Variants in KMT2C observed in about 807,000 individuals in gnomAD.
The protein encoded by KMT2C is lysine methyltransferase 2C.
A neutral mutation model predicts 507.9 loss-of-function variants in KMT2C; 88 were observed. The observed-to-expected ratio is 0.17, with a 90% CI of 0.15 to 0.21. The LOEUF (loss-of-function observed/expected upper bound fraction) is 0.21, where lower values mean the gene tolerates loss of function less well. Ranked by LOEUF, KMT2C falls within the 10% of genes least tolerant of loss-of-function variation. The pLI is 1.00. For missense variants in KMT2C, 4,954 were observed against 5,957.8 expected, an observed-to-expected ratio of 0.83 and a Z score of 5.55; for synonymous variants, 2,049 against 2,080.8, an observed-to-expected ratio of 0.98 and a Z score of 0.42.
At chr7:152,308,577 A>G (rs1305394198) in intron 6 of KMT2C, among the ~76,000 whole-genome samples, 1 of 147,366 alleles carries the variant, frequency 6.8e-6, no homozygotes, top group Non-Finnish European at 1.5e-5. Context: ...CAGGAGGCTG[A>G]GGCGGCAGAA....
At chr7:152,399,149 C>T (rs949450605) in intron 1 of KMT2C, among the ~76,000 whole-genome samples, 4 of 152,066 alleles carry the variant, frequency 2.6e-5, no homozygotes, top group Admixed American at 1.3e-4. Context: ...TTTATAAACA[C>T]GCAAAACACC....
intron 15 of KMT2C, among the ~76,000 whole-genome samples, chr7:152,236,186 A>G (rs1243485559): frequency 9.8e-5 from 15 of 152,296 alleles, no homozygotes; most frequent in African/African-American, 3.6e-4. Flanking sequence ...AAGCCTTTGC[A>G]TGATTTTTCT....
chr7:152,238,928 C>A (rs111880451), intron 14 of KMT2C, 102 bp from the exon 15 acceptor site: 1 of 1,181,332 alleles, frequency 8.5e-7, no homozygotes, highest in Non-Finnish European at 1.2e-6. Flanking sequence ...CAAATGCAAA[C>A]GTATGGAAAT....
At chr7:152,227,111 A>G (rs980166192) in intron 18 of KMT2C, among the ~76,000 whole-genome samples, 2 of 152,202 alleles carry the variant, frequency 1.3e-5, no homozygotes, top group African/African-American at 4.8e-5. Context: ...ACATCCACTC[A>G]TAACTGCTTA....
intron 1 of KMT2C, among the ~76,000 whole-genome samples, chr7:152,361,606 G>C (rs978326807): frequency 2.6e-5 from 4 of 151,914 alleles, no homozygotes; most frequent in Non-Finnish European, 4.4e-5. Flanking sequence ...AAATTTGATA[G>C]AAAACATTAA....
chr7:152,159,092 T>TA lies in KMT2C; in HGVS notation c.11461-21dup, dbSNP rs2092288184. The TA allele has an allele frequency of 1.2e-6, 2 of 1,609,182 alleles. No homozygotes were observed. The highest frequency in any genetic ancestry group is 8.5e-7 in the Non-Finnish European group (1 of 1,175,866). On this transcript the variant is annotated intron_variant, in intron 43 of 58. Transcript: ENST00000262189. Reference sequence around the variant, plus strand: ...AGTTTGCTAATGTAATTGGAAAGGGTAAAAAATAAGTGAACAATTTGCATA... The same window carrying TA: ...AGTTTGCTAATGTAATTGGAAAGGGTAAAAAAATAAGTGAACAATTTGCATA...
At chr7:152,326,988 G>A (rs866519399) in intron 3 of KMT2C, among the ~76,000 whole-genome samples, 20 of 152,174 alleles carry the variant, frequency 1.3e-4, no homozygotes, top group African/African-American at 2.7e-4. Context: ...TCAAAAAGTC[G>A]GAGCTTGGAA....
At chr7:152,330,838 AAAC>A in intron 2 of KMT2C, 99 bp from the exon 3 acceptor site, 2 of 1,129,456 alleles carry the variant, frequency 1.8e-6, no homozygotes, top group Non-Finnish European at 2.6e-6. Flanking sequence ...ATGTAAAAAG[AAAC>A]AACAAATAAC....
At chr7:152,353,645 A>G (rs2097130907) in intron 2 of KMT2C, among the ~76,000 whole-genome samples, 1 of 151,956 alleles carries the variant, frequency 6.6e-6, no homozygotes, top group Non-Finnish European at 1.5e-5. Flanking sequence ...CTACAGGTGC[A>G]CACCATCACA....
At position 152,224,503 on chromosome 7, in the gene KMT2C, T is replaced by C; in HGVS notation, c.3090A>G (p.Ile1030Met). 1 of 1,611,858 alleles carries C rather than the reference T, an allele frequency of 6.2e-7. No individual in the cohort carries two copies. Among genetic ancestry groups the C allele is most frequent in the Non-Finnish European group, 8.5e-7 (1 of 1,179,702 alleles). Residue 1030 changes from isoleucine to methionine, a missense_variant, in exon 19 of 59, where the codon ATA becomes ATG. Physicochemically the swap from Ile to Met is conservative, Grantham distance 10. Transcript: ENST00000262189. Reference sequence around the variant, plus strand: ...GGTCTAGGCAGTAGGTGTGATAACTTATGTCACAGTCATCACACAGCAGGA... The same window carrying C: ...GGTCTAGGCAGTAGGTGTGATAACTCATGTCACAGTCATCACACAGCAGGA... ...GRLLLCDDCD[I>M]SYHTYCLDPP...
intron 39 of KMT2C, among the ~76,000 whole-genome samples, chr7:152,173,689 T>C (rs1475140925): frequency 6.6e-6 from 1 of 152,244 alleles, no homozygotes; most frequent in Non-Finnish European, 1.5e-5. Context: ...CTCTTATCTA[T>C]TCCTTGTAAC....
At chr7:152,360,081 G>C (rs1277393203) in intron 1 of KMT2C, among the ~76,000 whole-genome samples, 8 of 68,232 alleles carry the variant, frequency 1.2e-4, no homozygotes, top group Non-Finnish European at 2.1e-4. Context: ...GGTGGGGGGG[G>C]GGGGACAATA....
At chr7:152,139,007 T>C (rs150056426) in intron 57 of KMT2C, 103 bp from the exon 58 acceptor site, 15 of 1,056,664 alleles carry the variant, frequency 1.4e-5, no homozygotes, top group Non-Finnish European at 2.2e-5. Context: ...TAAATTTCTA[T>C]TTGCCCATTG....
chr7:152,350,218 C>T (rs992685733), intron 2 of KMT2C, among the ~76,000 whole-genome samples: 8 of 152,082 alleles, frequency 5.3e-5, no homozygotes, highest in African/African-American at 1.9e-4. Flanking sequence ...CCATTGCACT[C>T]CAGCTTGGGC....
At chr7:152,324,618 GA>G (rs11432528) in intron 3 of KMT2C, among the ~76,000 whole-genome samples, 1 of 151,560 alleles carries the variant, frequency 6.6e-6, no homozygotes, top group Non-Finnish European at 1.5e-5. Context: ...CATATTCCAA[GA>G]AAAAAAATCT....
chr7:152,233,379 T>C (rs1232473207), intron 16 of KMT2C, among the ~76,000 whole-genome samples: 2 of 152,166 alleles, frequency 1.3e-5, no homozygotes, highest in Non-Finnish European at 2.9e-5. Flanking sequence ...ACCACAGATA[T>C]GAGCCAAGGA....
intron 42 of KMT2C, among the ~76,000 whole-genome samples, chr7:152,164,593 C>T (rs1053080268): frequency 1.3e-5 from 2 of 151,924 alleles, no homozygotes; most frequent in South Asian, 4.2e-4. Flanking sequence ...CCGGCCTGTA[C>T]AACATTTTAA....
At chr7:152,430,792 C>T (rs1346358481) in intron 1 of KMT2C, among the ~76,000 whole-genome samples, 2 of 152,174 alleles carry the variant, frequency 1.3e-5, no homozygotes, top group Non-Finnish European at 2.9e-5. Context: ...CTCAGTCTCC[C>T]AAAAGTGCTG....
At chr7:152,155,842 A>G (rs2092008305) in intron 46 of KMT2C, 68 bp downstream of exon 46, 4 of 1,445,368 alleles carry the variant, frequency 2.8e-6, no homozygotes, top group Non-Finnish European at 3.8e-6. Context: ...ATTATGCCAC[A>G]TACATACATT....
Sources: allele counts gnomAD v4.1 joint callset (sites outside exome capture counted in the v4.1 genomes callset), GRCh38; gene constraint gnomAD v4.1.1; transcripts MANE v1.5; gene names NCBI Gene and HGNC (gene_info 2026-07-23, HGNC 2026-07-21).